CCDC7: variants seen among roughly 807,000 people sequenced by gnomAD.
CCDC7 encodes coiled-coil domain-containing protein 7.
Under a neutral mutation model 196.9 loss-of-function variants are expected in CCDC7, and 183 were observed. The ratio of observed to expected loss-of-function variants is 0.93; its 90% CI spans 0.82 to 1.05. The LOEUF (loss-of-function observed/expected upper bound fraction) is 1.05. Among genes scored for constraint, CCDC7 ranks in the 50% least tolerant of loss-of-function variants. The probability of loss-of-function intolerance (pLI) is 0.00; values close to 1 mark genes in which losing one functional copy is unlikely to be tolerated. For synonymous variants in CCDC7, 525 were observed against 484.6 expected (o/e 1.08, Z -1.10); for missense variants, 1,540 against 1,482.2 (o/e 1.04, Z -0.64).
At chr10:32,509,351 A>G (rs1416842137) in intron 9 of CCDC7, among the ~76,000 whole-genome samples, 5 of 152,162 alleles carry the variant, frequency 3.3e-5, no homozygotes, top group African/African-American at 4.8e-5. Flanking sequence ...GTGGATCTCT[A>G]TATGCAAAAG....
downstream of CCDC7, among the ~76,000 whole-genome samples, chr10:32,879,986 A>G (rs1002075469): frequency 5.9e-5 from 9 of 152,242 alleles, no homozygotes; most frequent in Non-Finnish European, 1.2e-4. Context: ...TGTCTTTGCT[A>G]TTATAAATAA....
chr10:32,669,309 G>A (rs2073552409), intron 21 of CCDC7, among the ~76,000 whole-genome samples: 1 of 152,078 alleles, frequency 6.6e-6, no homozygotes, highest in Admixed American at 6.6e-5. Context: ...GTATTTTGTT[G>A]AGGTTTTGCA....
chr10:32,490,072 T>C (rs1232085961), intron 8 of CCDC7, among the ~76,000 whole-genome samples: 2 of 152,196 alleles, frequency 1.3e-5, no homozygotes, highest in Non-Finnish European at 2.9e-5. Flanking sequence ...ACATGTTGCA[T>C]GGCTCATAGT....
At chr10:32,486,931 C>A (rs899815088) in intron 8 of CCDC7, among the ~76,000 whole-genome samples, 10 of 151,910 alleles carry the variant, frequency 6.6e-5, no homozygotes, top group African/African-American at 2.2e-4. Flanking sequence ...AACATTTTAT[C>A]CTTCATTTCA....
intron 28 of CCDC7, among the ~76,000 whole-genome samples, chr10:32,774,355 A>G (rs922549994): frequency 3.3e-5 from 5 of 151,338 alleles, no homozygotes; most frequent in Non-Finnish European, 7.4e-5. Context: ...TAAATGTTCC[A>G]TGGGACAGGA....
At chr10:32,553,442 T>G (rs937667900) in intron 13 of CCDC7, among the ~76,000 whole-genome samples, 1 of 152,152 alleles carries the variant, frequency 6.6e-6, no homozygotes, top group Non-Finnish European at 1.5e-5. Context: ...TTGGTTTGGG[T>G]CCATTGCTGA....
At chr10:32,665,967 G>T (rs2072589630) in intron 21 of CCDC7, among the ~76,000 whole-genome samples, 1 of 151,872 alleles carries the variant, frequency 6.6e-6, no homozygotes, top group Non-Finnish European at 1.5e-5. Context: ...TATTGTAAAT[G>T]AGATTACTTT....
At chr10:32,576,778 T>G (rs2058245821) in intron 16 of CCDC7, among the ~76,000 whole-genome samples, 1 of 152,114 alleles carries the variant, frequency 6.6e-6, no homozygotes, top group East Asian at 1.9e-4. Context: ...CTAGAACTCC[T>G]GGACTCAGGG....
intron 28 of CCDC7, among the ~76,000 whole-genome samples, chr10:32,734,664 G>A (rs2084555068): frequency 6.6e-6 from 1 of 152,154 alleles, no homozygotes; most frequent in Non-Finnish European, 1.5e-5. Flanking sequence ...GGAGGCTGAG[G>A]CGGGCAGATT....
At chr10:32,861,529 A>G (rs1412244395) in intron 41 of CCDC7, among the ~76,000 whole-genome samples, 1 of 152,222 alleles carries the variant, frequency 6.6e-6, no homozygotes, top group Non-Finnish European at 1.5e-5. Context: ...CTTCATGACT[A>G]AAACACCAAA....
intron 6 of CCDC7, 63 bp downstream of exon 7, chr10:32,471,293 G>A: frequency 6.5e-7 from 1 of 1,544,358 alleles, no homozygotes; most frequent in South Asian, 1.2e-5. Flanking sequence ...AATTAGCACT[G>A]AATGTAAGAT....
At chr10:32,741,493 A>C (rs569429033) in intron 28 of CCDC7, among the ~76,000 whole-genome samples, 2 of 152,306 alleles carry the variant, frequency 1.3e-5, no homozygotes, top group South Asian at 2.1e-4. Flanking sequence ...CAAGTCCTGT[A>C]GTTGGCCCTG....
chr10:32,610,055 T>TGA (rs2061939401), intron 18 of CCDC7, among the ~76,000 whole-genome samples: 1 of 151,760 alleles, frequency 6.6e-6, no homozygotes, highest in Non-Finnish European at 1.5e-5. Context: ...TGTGTGTGTG[T>TGA]GATTTGTAAA....
intron 5 of CCDC7, among the ~76,000 whole-genome samples, chr10:32,464,153 G>A (rs959102876): frequency 6.6e-6 from 1 of 152,070 alleles, no homozygotes; most frequent in Non-Finnish European, 1.5e-5. Context: ...CATCTCCAAA[G>A]ATCTCTTGGC....
At chr10:32,451,798 C>T in exon 1 of CCDC7, 1 of 1,614,050 alleles carries the variant, frequency 6.2e-7, no homozygotes, top group East Asian at 2.2e-5. Flanking sequence ...AACCAATGGT[C>T]CTAAGATCTC....
chr10:32,509,261 G>A (rs570619068), intron 9 of CCDC7, among the ~76,000 whole-genome samples: 1 of 152,208 alleles, frequency 6.6e-6, no homozygotes, highest in East Asian at 1.9e-4. Flanking sequence ...CCAAGCATAG[G>A]TACAAGTGAT....
intron 9 of CCDC7, among the ~76,000 whole-genome samples, chr10:32,496,259 A>C (rs189195197): frequency 1.9e-3 from 283 of 152,070 alleles, no homozygotes; most frequent in Non-Finnish European, 2.9e-3. Flanking sequence ...CTTTGCTGAA[A>C]TTGCTCAGCT....
intron 18 of CCDC7, among the ~76,000 whole-genome samples, chr10:32,624,827 A>G (rs562398790): frequency 3.3e-5 from 5 of 151,912 alleles, no homozygotes; most frequent in South Asian, 4.1e-4. Flanking sequence ...TATTTTGGTC[A>G]TTTGCCCATT....
intron 28 of CCDC7, among the ~76,000 whole-genome samples, chr10:32,734,296 A>C (rs1041581978): frequency 5.3e-5 from 8 of 152,218 alleles, no homozygotes; most frequent in African/African-American, 1.9e-4. Context: ...TTGCAGGAAC[A>C]TGGATGGAGC....
Sources: gnomAD v4.1 joint callset for allele counts (sites outside exome capture counted in the v4.1 genomes callset) on GRCh38, gnomAD v4.1.1 for gene constraint, MANE v1.5 for transcripts, NCBI Gene and HGNC (gene_info 2026-07-23, HGNC 2026-07-21) for gene names.